Variants in UBR4 observed in about 807,000 individuals in gnomAD.
UBR4 encodes E3 ubiquitin-protein ligase UBR4.
In UBR4, 124 loss-of-function variants were observed where a neutral mutation model predicts 575.6. That is an observed-to-expected ratio of 0.22 (90% CI 0.19 to 0.25). The LOEUF (loss-of-function observed/expected upper bound fraction) is 0.25. Among genes scored for constraint, UBR4 ranks in the 10% least tolerant of loss-of-function variants. UBR4 has a pLI of 1.00. For missense variants in UBR4, 4,818 were observed against 6,478.8 expected (o/e 0.74, Z 8.80); for synonymous variants, 2,455 against 2,473.7 (o/e 0.99, Z 0.22).
At chr1:19,126,960 G>A (rs886673964) in intron 63 of UBR4, among the ~76,000 whole-genome samples, 7 of 152,292 alleles carry the variant, frequency 4.6e-5, no homozygotes, top group African/African-American at 1.7e-4. Context: ...TGGAGGGGAC[G>A]CGTTTCCTCT....
chr1:19,166,552 C>T (rs773947351), intron 29 of UBR4, among the ~76,000 whole-genome samples: 2 of 151,862 alleles, frequency 1.3e-5, no homozygotes, highest in East Asian at 1.9e-4. Flanking sequence ...AGAATGCACA[C>T]AAGTACAGAA....
chr1:19,124,735 C>T (rs2081539648), intron 64 of UBR4, 45 bp from the exon 65 acceptor site: 1 of 1,593,928 alleles, frequency 6.3e-7, no homozygotes, highest in Non-Finnish European at 8.5e-7. Flanking sequence ...TATCGATTTT[C>T]CATGACCACA....
At chr1:19,196,940 A>G (rs1347221654) in intron 8 of UBR4, among the ~76,000 whole-genome samples, 1 of 152,252 alleles carries the variant, frequency 6.6e-6, no homozygotes, top group East Asian at 1.9e-4. Flanking sequence ...TATGCCTATA[A>G]CGCAATGGCA....
chr1:19,084,883 G>T lies in UBR4; in HGVS notation c.14814-185C>A, dbSNP rs769157507. On this transcript the variant is annotated intron_variant, in intron 101 of 105. Transcript: ENST00000375254. The stretch of plus-strand genomic sequence containing the variant: ...CAGCAGGACGACAAGGCCATAGGAC[G>T]TTTTCATTTCTGCAGTGACTGAACG... Among the ~76,000 whole-genome samples, 3 of 152,206 alleles carry T rather than the reference G, an allele frequency of 2.0e-5. No individual in the cohort carries two copies. In the East Asian group the frequency reaches 5.8e-4, roughly 29 times the overall value.
Position 19,106,614 on chromosome 1 carries a change from G to A in UBR4, c.12348C>T (p.Thr4116=), listed in dbSNP as rs765668257. 5 of 1,599,744 alleles carry A rather than the reference G, an allele frequency of 3.1e-6. No individual in the cohort carries two copies. The highest frequency in any genetic ancestry group is 4.5e-5 in the East Asian group (2 of 44,822). The change falls in exon 83 of 106, where the codon ACC becomes ACT. Residue 4116 remains threonine, a synonymous_variant. Transcript: ENST00000375254. ...GCCCCAGTTTGAGATCCAAGGGGGAGGTCCTCTTCCCCCGACGACTCAGGA... is the reference window on the plus strand; with the variant it reads ...GCCCCAGTTTGAGATCCAAGGGGGAAGTCCTCTTCCCCCGACGACTCAGGA... ...KQFLSRRGKR[T]SPLDLKLGHN... is the part of the protein sequence containing the mutation.
chr1:19,089,007 C>G lies in UBR4; in HGVS notation c.14212-30G>C. The G allele has an allele frequency of 4.4e-6, 7 of 1,606,202 alleles. No individual in the cohort carries two copies. The highest frequency in any genetic ancestry group is 6.0e-6 in the Non-Finnish European group (7 of 1,173,848). On this transcript the variant is annotated intron_variant, in intron 97 of 105. Transcript: ENST00000375254. This position sits in a 1 kb window ranked among gnomAD's most constrained non-coding sequence, Gnocchi z 4.3. ...CAGTAAGAGACCAGAGAGACACATG[C>G]CTCCAATTATGTAGACAAACCTTCT... is the stretch of plus-strand genomic sequence containing the variant.
chr1:19,102,847 C>T (rs1022702327), intron 87 of UBR4, among the ~76,000 whole-genome samples: 4 of 152,194 alleles, frequency 2.6e-5, no homozygotes, highest in Non-Finnish European at 5.9e-5. Context: ...TCCCTTTCCC[C>T]CAACCAAATA....
At chr1:19,098,129 G>T (rs1378978880) in intron 90 of UBR4, among the ~76,000 whole-genome samples, 1 of 152,220 alleles carries the variant, frequency 6.6e-6, no homozygotes, top group African/African-American at 2.4e-5. Flanking sequence ...TCTATGCTGA[G>T]CTTCAGGACA....
chr1:19,086,767 T>A lies in UBR4; in HGVS notation c.14599A>T (p.Met4867Leu), dbSNP rs12584. ...TGCTGTTTCCGGGGCTTATTCTCCATCTCCTCCAAGGCTACCCGCTTCGTG... is the reference window on the plus strand; with the variant it reads ...TGCTGTTTCCGGGGCTTATTCTCCAACTCCTCCAAGGCTACCCGCTTCGTG... ...TFTKRVALEE[M>L]ENKPRKQQGY... Residue 4867 changes from methionine to leucine, a missense_variant, in exon 100 of 106, where the codon ATG becomes TTG. Met to Leu is a conservative substitution (Grantham distance 15, BLOSUM62 2). Around this residue, in one of 29 missense-constraint regions of UBR4, gnomAD observed 196 missense variants for 386.8 expected, o/e 0.51. Coordinates refer to ENST00000375254, the MANE Select transcript of UBR4 (RefSeq NM_020765.3). The A allele has an allele frequency of 0.58, 931,040 of 1,613,724 alleles. 271,821 individuals carry two copies. The highest frequency in any genetic ancestry group is 0.78 in the East Asian group (35,155 of 44,858).
intron 74 of UBR4, among the ~76,000 whole-genome samples, 165 bp downstream of exon 74, chr1:19,115,225 ACTCACTCT>A (rs1215160447): frequency 1.4e-5 from 2 of 146,822 alleles, no homozygotes; most frequent in Non-Finnish European, 3.0e-5. Flanking sequence ...ACACACACTC[ACTCACTCT>A]CTCTTCTTCC....
chr1:19,190,108 G>A (rs2091923601), intron 11 of UBR4, among the ~76,000 whole-genome samples: 4 of 149,382 alleles, frequency 2.7e-5, no homozygotes, highest in South Asian at 4.2e-4. Flanking sequence ...CCAACATGGC[G>A]AAACCCCAAC....
In UBR4 at chr1:19,093,355, T is replaced by C. The variant is rs764928958; in HGVS notation, c.14069A>G (p.Asn4690Ser). The C allele has an allele frequency of 1.9e-6, 3 of 1,614,182 alleles. No individual in the cohort carries two copies. The highest frequency in any genetic ancestry group is 2.5e-6 in the Non-Finnish European group (3 of 1,180,036). Residue 4690 changes from asparagine (N) to serine (S), a missense_variant, in exon 96 of 106, where the codon AAT becomes AGT. Transcript: ENST00000375254. The surrounding 1 kb of genome is among the most constrained non-coding windows in gnomAD (Gnocchi z 4.8). ...DLILQKGITQ[N>S]ALDYMKKHIP... ...GTGCTTTTTCATGTAGTCAAGTGCA[T>C]TCTGGGTGATCCCCTTCTGGAGAAT...
intron 19 of UBR4, among the ~76,000 whole-genome samples, chr1:19,177,081 A>G (rs916077489): frequency 6.6e-6 from 1 of 152,204 alleles, no homozygotes; most frequent in African/African-American, 2.4e-5. Context: ...CTTATTTTGG[A>G]TCCTTACAAC....
chr1:19,177,239 A>G (rs1007440635), intron 19 of UBR4, among the ~76,000 whole-genome samples: 4 of 152,314 alleles, frequency 2.6e-5, no homozygotes, highest in Non-Finnish European at 5.9e-5. Flanking sequence ...CACAGCCTAC[A>G]TTCCACTTTC....
At chr1:19,114,168 A>T (rs988388497) in intron 75 of UBR4, 98 bp from the exon 76 acceptor site, 1 of 1,481,996 alleles carries the variant, frequency 6.7e-7, no homozygotes, top group African/African-American at 1.4e-5. Flanking sequence ...CATTTCCTAT[A>T]GGTCAGGCAC....
Position 19,197,222 on chromosome 1 carries a change from G to C in UBR4, c.937C>G (p.Leu313Val), listed in dbSNP as rs758332645. 6.2e-7 allele frequency: 1 copy of C among 1,614,162 alleles called. No homozygotes were observed. The stretch of plus-strand genomic sequence containing the variant: ...AGAGGTTCCAACACAGGTAGAGAAA[G>C]GGTATCCAATGCCATAGTTACATCA... Reference protein sequence around the residue: ...VIDVTMALDTLSLPVLEPLNP... With the variant: ...VIDVTMALDTVSLPVLEPLNP... Residue 313 changes from leucine (L) to valine (V), a missense_variant, in exon 8 of 106, where the codon CTT becomes GTT. This residue lies in a region of UBR4 where 131 missense variants were observed against 214.5 expected (regional missense o/e 0.61). Coordinates refer to ENST00000375254, the MANE Select transcript of UBR4 (RefSeq NM_020765.3).
chr1:19,127,100 T>C (rs2081897137), intron 63 of UBR4, among the ~76,000 whole-genome samples: 2 of 152,148 alleles, frequency 1.3e-5, no homozygotes, highest in South Asian at 2.1e-4. Context: ...CCAAAGGAGT[T>C]GGGGGTGAGT....
At chr1:19,166,369 T>C (rs2088389762) in intron 29 of UBR4, among the ~76,000 whole-genome samples, 1 of 152,200 alleles carries the variant, frequency 6.6e-6, no homozygotes, top group Admixed American at 6.5e-5. Context: ...TCAATTTCAG[T>C]GAGCTCCTCT....
chr1:19,110,643 C>T lies in UBR4; in HGVS notation c.11892+99G>A. The T allele has an allele frequency of 7.0e-7, 1 of 1,435,066 alleles. No individual in the cohort carries two copies. Among genetic ancestry groups the T allele is most frequent in the East Asian group, 2.3e-5 (1 of 44,026 alleles). 88.9% of individuals were successfully genotyped at this position (1,435,066 alleles called of 1,614,324 possible). On this transcript the variant is annotated intron_variant, in intron 79 of 105. Transcript: ENST00000375254. This position sits in a 1 kb window ranked among gnomAD's most constrained non-coding sequence, Gnocchi z 4.5. ...TTCTGGGGTAATGTTCTGCTCCTTC[C>T]CTCCTCAGTCACCGCAGGACCTGGG...
Sources: gnomAD v4.1 joint callset for allele counts (sites outside exome capture counted in the v4.1 genomes callset) on GRCh38, gnomAD v4.1.1 for gene constraint, gnomAD v4.1.1 regional missense constraint, Gnocchi (gnomAD v3.1) non-coding constraint, MANE v1.5 for transcripts, NCBI Gene and HGNC (gene_info 2026-07-23, HGNC 2026-07-21) for gene names.